Variants in GAB2 observed in about 807,000 individuals in gnomAD.
GAB2 encodes the protein GRB2 associated binding protein 2, also known as GRB2-associated-binding protein 2.
Under a neutral mutation model 65.5 loss-of-function variants are expected in GAB2, and 26 were observed. The ratio of observed to expected loss-of-function variants is 0.40; its 90% CI spans 0.29 to 0.55. The LOEUF (loss-of-function observed/expected upper bound fraction) is 0.55, where lower values mean the gene tolerates loss of function less well. GAB2 is among the 20% of genes least tolerant of loss of function. The pLI, the probability that GAB2 is intolerant of heterozygous loss-of-function variation, is 0.53. For missense variants in GAB2, 884 were observed against 875.8 expected (o/e 1.01, Z -0.12); for synonymous variants, 321 against 329.6 (o/e 0.97, Z 0.28).
rs536213291 is a variant in GAB2 at position 78,250,049 on chromosome 11, A to C, written c.620+108T>G. On this transcript the variant is annotated intron_variant, in intron 3 of 9. Transcript: ENST00000361507. ...TGTTTTGTCATAGACGTGTTTGTCT[A>C]CCTGAAACGATATAATGTTTTGCTT... 1.0e-5 allele frequency: 12 copies of C among 1,155,392 alleles called. No individual in the cohort carries two copies. In the African/African-American group the frequency reaches 1.8e-4, roughly 18 times the overall value. The allele number at this position is 1,155,392 out of a possible 1,614,324, so 71.6% of individuals were successfully genotyped here. A position where few individuals can be genotyped will look rare whatever the true frequency, so the allele number is the denominator to read the frequency against.
intron 1 of GAB2, among the ~76,000 whole-genome samples, chr11:78,411,769 C>T (rs573691340): frequency 1.3e-5 from 2 of 151,758 alleles, no homozygotes; most frequent in East Asian, 1.9e-4. Flanking sequence ...CAGTGGCTCA[C>T]GCCTGTAATC....
chr11:78,404,487 C>T (rs2135085835), intron 1 of GAB2, among the ~76,000 whole-genome samples: 1 of 152,354 alleles, frequency 6.6e-6, no homozygotes, highest in Admixed American at 6.5e-5. Flanking sequence ...GTTGAGGCTG[C>T]AGTGAGCCAA....
chr11:78,351,444 T>C (rs992730031), intron 1 of GAB2, among the ~76,000 whole-genome samples: 9 of 152,114 alleles, frequency 5.9e-5, no homozygotes, highest in African/African-American at 1.7e-4. Flanking sequence ...GGGTCTTTGT[T>C]TATAAGGTCT....
chr11:78,374,133 C>G (rs1856605040), intron 1 of GAB2, among the ~76,000 whole-genome samples: 1 of 152,176 alleles, frequency 6.6e-6, no homozygotes, highest in Non-Finnish European at 1.5e-5. Context: ...CAACTTTAGA[C>G]ACACATTCTA....
intron 1 of GAB2, among the ~76,000 whole-genome samples, chr11:78,286,917 A>G (rs1227818713): frequency 1.3e-5 from 2 of 152,252 alleles, no homozygotes; most frequent in South Asian, 2.1e-4. Flanking sequence ...ATATGCTATT[A>G]AAGAGAAAGC....
chr11:78,256,817 TAAAG>T (rs1590971710), intron 2 of GAB2, among the ~76,000 whole-genome samples: 3 of 152,214 alleles, frequency 2.0e-5, no homozygotes, highest in South Asian at 4.1e-4. Context: ...ATGGTGAAAA[TAAAG>T]GAAGATATTA....
intron 1 of GAB2, among the ~76,000 whole-genome samples, chr11:78,347,943 A>C (rs2134700266): frequency 6.6e-6 from 1 of 152,336 alleles, no homozygotes; most frequent in East Asian, 1.9e-4. Context: ...CTTAACTACT[A>C]TAAACAGTGG....
rs189635257 is a variant in GAB2, at chr11:78,321,549, T to C, written c.76-40648A>G. Reference sequence around the variant, plus strand: ...AGAAATGGTTCCTGTAATTAAGAGATGCAGCACAGTTCACACTGCATTTCC... The same window carrying C: ...AGAAATGGTTCCTGTAATTAAGAGACGCAGCACAGTTCACACTGCATTTCC... On this transcript the variant is annotated intron_variant, in intron 1 of 9. Coordinates refer to ENST00000361507, the MANE Select transcript of GAB2 (RefSeq NM_080491.3). Among the ~76,000 whole-genome samples, 15 of 152,326 alleles carry C rather than the reference T, an allele frequency of 9.8e-5. No individual in the cohort carries two copies. The East Asian group carries it at 2.9e-3, about 29-fold the overall frequency.
At position 78,222,214 on chromosome 11, in the gene GAB2, G is replaced by C; in HGVS notation, c.1568-19C>G. The C allele has an allele frequency of 6.4e-7, 1 of 1,560,178 alleles. No individual in the cohort carries two copies. Among genetic ancestry groups the C allele is most frequent in the Non-Finnish European group, 8.8e-7 (1 of 1,130,906 alleles). ...GGCTTTGCTGGAGCAGGAAAAGAAA[G>C]TCTGGTAATCAGCCAGTAATGATAA... On this transcript the variant is annotated intron_variant, in intron 6 of 9. Coordinates refer to ENST00000361507, the MANE Select transcript of GAB2 (RefSeq NM_080491.3).
intron 1 of GAB2, among the ~76,000 whole-genome samples, chr11:78,401,382 T>C (rs1287813152): frequency 6.6e-6 from 1 of 152,240 alleles, no homozygotes; most frequent in African/African-American, 2.4e-5. Context: ...ATAAGTAGAA[T>C]CATACAGTAT....
intron 1 of GAB2, among the ~76,000 whole-genome samples, chr11:78,380,560 TA>T (rs1292664382): frequency 2.6e-5 from 4 of 152,160 alleles, no homozygotes; most frequent in Non-Finnish European, 5.9e-5. Context: ...AAAATGCAAA[TA>T]AAACACAGCA....
chr11:78,339,815 ACT>A lies in GAB2; in HGVS notation c.76-58916_76-58915del, dbSNP rs141020693. 7.8e-3 allele frequency among the ~76,000 whole-genome samples: 1,187 copies of A among 152,272 alleles called. 14 individuals are homozygous for A. The highest frequency in any genetic ancestry group is 0.027 in the African/African-American group (1,125 of 41,540). ...TCACGGAAAACTGACTTGTGAATAAACTCTGTTCATACAGAAAGCAAGAGCCT... is the reference window on the plus strand; with the variant it reads ...TCACGGAAAACTGACTTGTGAATAAACTGTTCATACAGAAAGCAAGAGCCT... On this transcript the variant is annotated intron_variant, in intron 1 of 9. Coordinates refer to ENST00000361507, the MANE Select transcript of GAB2 (RefSeq NM_080491.3).
At chr11:78,393,069 T>C (rs1177347417) in intron 1 of GAB2, among the ~76,000 whole-genome samples, 1 of 152,158 alleles carries the variant, frequency 6.6e-6, no homozygotes, top group Admixed American at 6.5e-5. Flanking sequence ...AGGCAGGATG[T>C]TGAGGGAAGA....
At chr11:78,230,316 T>A (rs1429778075) in intron 3 of GAB2, among the ~76,000 whole-genome samples, 3 of 152,164 alleles carry the variant, frequency 2.0e-5, no homozygotes, top group African/African-American at 7.2e-5. Flanking sequence ...TACTCACTCA[T>A]CCCTAAACAT....
At chr11:78,316,140 G>A (rs900486944) in intron 1 of GAB2, among the ~76,000 whole-genome samples, 2 of 152,036 alleles carry the variant, frequency 1.3e-5, no homozygotes, top group African/African-American at 2.4e-5. Flanking sequence ...GGGGGGCCAG[G>A]GGGTGGGTGT....
At chr11:78,259,125 T>C (rs953012364) in intron 2 of GAB2, among the ~76,000 whole-genome samples, 2 of 152,208 alleles carry the variant, frequency 1.3e-5, no homozygotes, top group African/African-American at 4.8e-5. Flanking sequence ...ACATGTGGTA[T>C]TTGGTCTGGA....
Position 78,215,539 on chromosome 11 carries a change from TAAC to T in GAB2, c.*3730_*3732del, listed in dbSNP as rs1045170940. The T allele has an allele frequency of 1.3e-5, 2 of 152,578 alleles. No homozygotes were observed. The highest frequency in any genetic ancestry group is 4.8e-5 in the African/African-American group (2 of 41,448). 9.5% of individuals were successfully genotyped at this position (152,578 alleles called of 1,614,324 possible). A position where few individuals can be genotyped will look rare whatever the true frequency, so the allele number is the denominator to read the frequency against. On this transcript the variant is annotated 3_prime_UTR_variant, in exon 10 of 10. Coordinates refer to ENST00000361507, the MANE Select transcript of GAB2 (RefSeq NM_080491.3). ...AAAATTAAATGTCAATTTTAAATGG[TAAC>T]AAGACAAGAACTCAAGACTGGGCTT...
At chr11:78,357,174 TA>T (rs781551119) in intron 1 of GAB2, among the ~76,000 whole-genome samples, 1 of 151,874 alleles carries the variant, frequency 6.6e-6, no homozygotes. Flanking sequence ...TTCACCACAA[TA>T]AAAAAAATAA....
chr11:78,312,534 C>G (rs1471050975), intron 1 of GAB2, among the ~76,000 whole-genome samples: 1 of 152,118 alleles, frequency 6.6e-6, no homozygotes, highest in Admixed American at 6.6e-5. Flanking sequence ...CAAGCAATTC[C>G]CCTGCCTCAG....
Sources: gnomAD v4.1 joint callset for allele counts (sites outside exome capture counted in the v4.1 genomes callset) on GRCh38, gnomAD v4.1.1 for gene constraint, MANE v1.5 for transcripts, NCBI Gene and HGNC (gene_info 2026-07-23, HGNC 2026-07-21) for gene names.